HTT: variants seen among roughly 807,000 people sequenced by gnomAD.
HTT encodes the protein huntingtin, also known as huntington disease protein.
HTT carries 104 observed loss-of-function variants against 362.3 expected under a neutral mutation model. The ratio of observed to expected loss-of-function variants is 0.29; its 90% CI spans 0.24 to 0.34. HTT has a LOEUF of 0.34. HTT is among the 10% of genes least tolerant of loss of function. The probability of loss-of-function intolerance (pLI) is 1.00; values close to 1 mark genes in which losing one functional copy is unlikely to be tolerated. For missense variants in HTT, 3,301 were observed against 3,928.6 expected (o/e 0.84, Z 4.27); for synonymous variants, 1,577 against 1,548.7 (o/e 1.02, Z -0.43).
At chr4:3,114,698 T>C (rs1224989795) in intron 6 of HTT, among the ~76,000 whole-genome samples, 1 of 152,200 alleles carries the variant, frequency 6.6e-6, no homozygotes, top group Non-Finnish European at 1.5e-5. Flanking sequence ...TCACCCCTTT[T>C]CAATTTTAGG....
chr4:3,084,631 A>G (rs1444598806), intron 1 of HTT, among the ~76,000 whole-genome samples: 10 of 151,512 alleles, frequency 6.6e-5, no homozygotes, highest in Non-Finnish European at 8.8e-5. Context: ...CAGAGGTTGC[A>G]GTGAGCTGAG....
intron 6 of HTT, among the ~76,000 whole-genome samples, chr4:3,112,511 G>A (rs1714806943): frequency 1.3e-5 from 2 of 152,290 alleles, no homozygotes; most frequent in South Asian, 4.1e-4. Context: ...ATAGACCATG[G>A]ATTAAGTGTT....
chr4:3,145,037 C>T, intron 23 of HTT, 115 bp from the exon 24 acceptor site: 2 of 817,730 alleles, frequency 2.4e-6, no homozygotes, highest in East Asian at 2.4e-5. Flanking sequence ...GGTTATCATA[C>T]ACAGATCTCA....
chr4:3,229,452 G>A (rs533136347), intron 59 of HTT, among the ~76,000 whole-genome samples: 1 of 141,734 alleles, frequency 7.1e-6, no homozygotes, highest in Admixed American at 7.0e-5. Context: ...CCACACACAT[G>A]CCACATGTGC....
chr4:3,208,554 A>G (rs1418965961), intron 45 of HTT, among the ~76,000 whole-genome samples: 1 of 152,248 alleles, frequency 6.6e-6, no homozygotes, highest in Non-Finnish European at 1.5e-5. Flanking sequence ...CTTAAAAGTA[A>G]ACTAGGGCCT....
At chr4:3,147,157 T>C (rs1477989296) in intron 25 of HTT, among the ~76,000 whole-genome samples, 1 of 152,210 alleles carries the variant, frequency 6.6e-6, no homozygotes, top group Non-Finnish European at 1.5e-5. Flanking sequence ...AGTAGCCTCT[T>C]CCCAATATAG....
chr4:3,087,465 G>A (rs146811099), intron 2 of HTT, among the ~76,000 whole-genome samples: 11 of 152,264 alleles, frequency 7.2e-5, no homozygotes, highest in African/African-American at 1.2e-4. Flanking sequence ...TCTGTGCTTC[G>A]GGATTAGTGG....
At chr4:3,159,284 C>T (rs550518339) in intron 28 of HTT, among the ~76,000 whole-genome samples, 1 of 152,198 alleles carries the variant, frequency 6.6e-6, no homozygotes, top group African/African-American at 2.4e-5. Flanking sequence ...CATCTCATGA[C>T]CTCTTTTCCC....
At chr4:3,101,365 C>G (rs965301566) in intron 3 of HTT, among the ~76,000 whole-genome samples, 1 of 152,174 alleles carries the variant, frequency 6.6e-6, no homozygotes, top group African/African-American at 2.4e-5. Context: ...CCATTTCTCC[C>G]TTATGCTTAA....
chr4:3,216,632 A>T (rs911782955), intron 51 of HTT, among the ~76,000 whole-genome samples: 5 of 152,164 alleles, frequency 3.3e-5, no homozygotes, highest in Non-Finnish European at 5.9e-5. Flanking sequence ...GGTGAAGATG[A>T]TTATGCTTAT....
At chr4:3,207,213 T>C in intron 44 of HTT, 68 bp from the exon 45 acceptor site, 1 of 1,396,416 alleles carries the variant, frequency 7.2e-7, no homozygotes, top group Non-Finnish European at 1.0e-6. Context: ...TCATCCTTTT[T>C]AAATGAGCAT....
intron 28 of HTT, among the ~76,000 whole-genome samples, 192 bp downstream of exon 28, chr4:3,157,391 A>G (rs1419029226): frequency 6.6e-6 from 1 of 151,994 alleles, no homozygotes; most frequent in African/African-American, 2.4e-5. Context: ...TTGGATTTTC[A>G]TATTGTTTGT....
intron 26 of HTT, among the ~76,000 whole-genome samples, chr4:3,152,630 C>T (rs1424285575): frequency 2.6e-5 from 4 of 152,142 alleles, no homozygotes; most frequent in Non-Finnish European, 5.9e-5. Context: ...TGGATGGGCT[C>T]ATACAGTCAG....
At position 3,175,037 on chromosome 4, in the gene HTT, A is replaced by G. The variant is rs1418888194; in HGVS notation, c.4337A>G (p.Lys1446Arg). The change falls in exon 33 of 67, where the codon AAG (lysine) becomes AGG (arginine). Residue 1446 changes from lysine (K) to arginine (R), a missense_variant. This residue lies in a region of HTT where 2,316 missense variants were observed against 2,658.5 expected (regional missense o/e 0.87). Coordinates refer to ENST00000355072, the MANE Select transcript of HTT (RefSeq NM_001388492.1). ...ACTACAACATGTGTGCAGTTACAGA[A>G]GCAGGTTTTAGATTTGCTGGCGCAG... ...YTTTTCVQLQ[K>R]QVLDLLAQLV... 2 of 1,614,092 alleles carry G rather than the reference A, an allele frequency of 1.2e-6. No individual in the cohort carries two copies. The highest frequency in any genetic ancestry group is 1.1e-5 in the South Asian group (1 of 91,084).
chr4:3,196,601 G>T (rs1388640694), intron 40 of HTT, among the ~76,000 whole-genome samples: 1 of 152,010 alleles, frequency 6.6e-6, no homozygotes, highest in Non-Finnish European at 1.5e-5. Context: ...AGCTGGGCAT[G>T]GTGGCGCACA....
intron 37 of HTT, among the ~76,000 whole-genome samples, chr4:3,184,443 G>A (rs183051017): frequency 1.3e-5 from 2 of 152,216 alleles, no homozygotes; most frequent in East Asian, 3.9e-4. Context: ...GTTGAGAATA[G>A]CCTTGAGGGG....
At chr4:3,195,642 A>G (rs1719214913) in intron 40 of HTT, among the ~76,000 whole-genome samples, 1 of 151,768 alleles carries the variant, frequency 6.6e-6, no homozygotes, top group South Asian at 2.1e-4. Context: ...TGTCTTTGTT[A>G]GGTAATGGTA....
chr4:3,175,022 G>T lies in HTT; in HGVS notation c.4322G>T (p.Cys1441Phe). Reference sequence around the variant, plus strand: ...TTAAAACAGTACACGACTACAACATGTGTGCAGTTACAGAAGCAGGTTTTA... The same window carrying T: ...TTAAAACAGTACACGACTACAACATTTGTGCAGTTACAGAAGCAGGTTTTA... ...KALKQYTTTT[C>F]VQLQKQVLDL... The change falls in exon 33 of 67, where the codon TGT (cysteine) becomes TTT (phenylalanine). Residue 1441 changes from cysteine (C) to phenylalanine (F), a missense_variant. Cys to Phe is a radical substitution (Grantham distance 205). Coordinates refer to ENST00000355072, the MANE Select transcript of HTT (RefSeq NM_001388492.1). The T allele has an allele frequency of 3.1e-6, 5 of 1,613,336 alleles. No homozygotes were observed. The highest frequency in any genetic ancestry group is 4.2e-6 in the Non-Finnish European group (5 of 1,179,236).
Position 3,178,290 on chromosome 4 carries a change from G to C in HTT, c.4464-8G>C. ...AAGAAAGGTCTAAATGGATGTTTTTGTTTTTAGGGAATCAGAGGCAATCAT... is the reference window on the plus strand; with the variant it reads ...AAGAAAGGTCTAAATGGATGTTTTTCTTTTTAGGGAATCAGAGGCAATCAT... On this transcript the variant is annotated splice_polypyrimidine_tract_variant and splice_region_variant and intron_variant, in intron 34 of 66. Transcript: ENST00000355072. The C allele has an allele frequency of 6.3e-7, 1 of 1,589,484 alleles. No individual in the cohort carries two copies. The highest frequency in any genetic ancestry group is 8.6e-7 in the Non-Finnish European group (1 of 1,160,242).
Sources: allele counts gnomAD v4.1 joint callset (sites outside exome capture counted in the v4.1 genomes callset), GRCh38; gene constraint gnomAD v4.1.1; regional missense constraint gnomAD v4.1.1; transcripts MANE v1.5; gene names NCBI Gene and HGNC (gene_info 2026-07-23, HGNC 2026-07-21).